The following RANBP17 variants were observed in gnomAD, a reference collection of about 807,000 sequenced individuals.
RANBP17 encodes ran-binding protein 17.
A neutral mutation model predicts 141.2 loss-of-function variants in RANBP17; 158 were observed. That is an observed-to-expected ratio of 1.12 (90% CI 0.98 to 1.28). RANBP17 has a LOEUF of 1.28. Ranked by LOEUF, RANBP17 falls within the 50% of genes most tolerant of loss-of-function variation. RANBP17 has a pLI of 0.00. For synonymous variants in RANBP17, 430 were observed against 450.0 expected (o/e 0.96, Z 0.56); for missense variants, 1,438 against 1,290.7 (o/e 1.11, Z -1.75).
intron 18 of RANBP17, among the ~76,000 whole-genome samples, chr5:171,184,559 A>G (rs895674111): frequency 2.0e-5 from 3 of 152,208 alleles, no homozygotes; most frequent in Admixed American, 6.5e-5. Flanking sequence ...GATGGTGACT[A>G]TAGTTAATAA....
At chr5:170,907,896 G>C (rs1209433707) in intron 5 of RANBP17, among the ~76,000 whole-genome samples, 1 of 151,692 alleles carries the variant, frequency 6.6e-6, no homozygotes, top group East Asian at 1.9e-4. Context: ...CTCAAAAGAA[G>C]GCAAGTGGCC....
chr5:171,094,300 G>A (rs923375063), intron 14 of RANBP17, among the ~76,000 whole-genome samples: 2 of 152,126 alleles, frequency 1.3e-5, no homozygotes, highest in African/African-American at 4.8e-5. Flanking sequence ...CCTTAGGCAA[G>A]TCACTAGATG....
At chr5:171,027,887 G>A (rs1446596694) in intron 14 of RANBP17, among the ~76,000 whole-genome samples, 1 of 151,946 alleles carries the variant, frequency 6.6e-6, no homozygotes, top group Non-Finnish European at 1.5e-5. Flanking sequence ...AATTTTTAGA[G>A]TAGCTATTGA....
chr5:171,156,163 A>G (rs1260682590), intron 14 of RANBP17, among the ~76,000 whole-genome samples: 1 of 152,082 alleles, frequency 6.6e-6, no homozygotes, highest in Non-Finnish European at 1.5e-5. Context: ...TAGTTTCTAT[A>G]TCTTTCTACA....
intron 14 of RANBP17, among the ~76,000 whole-genome samples, chr5:171,050,021 G>C (rs1331296181): frequency 6.6e-6 from 1 of 152,110 alleles, no homozygotes; most frequent in Admixed American, 6.5e-5. Flanking sequence ...ATTGGTAGTT[G>C]ATAGGAATAG....
intron 14 of RANBP17, among the ~76,000 whole-genome samples, chr5:171,156,124 G>A (rs78977222): frequency 0.053 from 7,987 of 152,040 alleles, 257 homozygotes; most frequent in East Asian, 0.12. Context: ...GATTATAAGC[G>A]GATGTTCCTT....
intron 13 of RANBP17, among the ~76,000 whole-genome samples, chr5:170,965,245 G>GTTT (rs202116295): frequency 3.4e-5 from 5 of 147,546 alleles, no homozygotes; most frequent in African/African-American, 9.9e-5. Context: ...TGATGGGGTT[G>GTTT]TTTTTTTTTT....
At chr5:171,277,549 T>A (rs1767571227) in intron 25 of RANBP17, among the ~76,000 whole-genome samples, 2 of 144,312 alleles carry the variant, frequency 1.4e-5, no homozygotes, top group Admixed American at 7.1e-5. Context: ...AGAATTTTAA[T>A]AAGAATGATT....
intron 14 of RANBP17, among the ~76,000 whole-genome samples, chr5:171,147,813 G>A (rs1331641882): frequency 6.6e-6 from 1 of 152,218 alleles, no homozygotes; most frequent in Non-Finnish European, 1.5e-5. Context: ...CGGGACGTGA[G>A]GGGTGCCTCT....
rs72051535 is a variant in RANBP17, at chr5:171,130,431, C to CTTTTTTTTTTT, written c.1711-39687_1711-39677dup. 2.1e-4 allele frequency among the ~76,000 whole-genome samples: 19 copies of CTTTTTTTTTTT among 90,016 alleles called. 1 individual carries two copies. The highest frequency in any genetic ancestry group is 4.0e-4 in the African/African-American group (9 of 22,768). The allele number at this position is 90,016 out of a possible 152,430, so 59.1% of individuals were successfully genotyped here. Reference sequence around the variant, plus strand: ...GCTCAATCAGAATACTTTAAAAAGACTTTTTTTTTTTTTTTTTTTTTTGAG... The same window carrying CTTTTTTTTTTT: ...GCTCAATCAGAATACTTTAAAAAGACTTTTTTTTTTTTTTTTTTTTTTTTTTTTTTTTTGAG... On this transcript the variant is annotated intron_variant, in intron 14 of 27. Coordinates refer to ENST00000523189, the MANE Select transcript of RANBP17 (RefSeq NM_022897.5).
intron 14 of RANBP17, among the ~76,000 whole-genome samples, chr5:171,151,751 C>T (rs1416456785): frequency 6.6e-6 from 1 of 152,106 alleles, no homozygotes; most frequent in Non-Finnish European, 1.5e-5. Context: ...AAGTTCCTAG[C>T]CTTTCTCGAA....
chr5:170,904,950 G>A (rs1383747728), intron 5 of RANBP17, among the ~76,000 whole-genome samples: 2 of 152,018 alleles, frequency 1.3e-5, no homozygotes, highest in Admixed American at 6.6e-5. Context: ...AGGAGGTTTT[G>A]TTTCTTCTTT....
intron 5 of RANBP17, among the ~76,000 whole-genome samples, chr5:170,901,773 C>T (rs1770653914): frequency 6.6e-6 from 1 of 152,186 alleles, no homozygotes; most frequent in Non-Finnish European, 1.5e-5. Flanking sequence ...TTCTCCTTCA[C>T]TTACAAAGCT....
Position 171,242,748 on chromosome 5 carries a change from T to C in RANBP17, c.2704T>C (p.Phe902Leu), listed in dbSNP as rs1764967776. Reference protein sequence around the residue: ...LECLTQDHMSFIINLEPPVLM... With the variant: ...LECLTQDHMSLIINLEPPVLM... The stretch of plus-strand genomic sequence containing the variant: ...ATGTCTCACTCAGGACCATATGAGC[T>C]TCATCATCAACTTAGAGCCTCCTGT... The change falls in exon 24 of 28, where the codon TTC (phenylalanine) becomes CTC (leucine). Residue 902 changes from phenylalanine (F) to leucine (L), a missense_variant. Physicochemically the swap from Phe to Leu is conservative, Grantham distance 22. Transcript: ENST00000523189. 1 of 1,613,776 alleles carries C rather than the reference T, an allele frequency of 6.2e-7. No homozygotes were observed. Among genetic ancestry groups the C allele is most frequent in the Non-Finnish European group, 8.5e-7 (1 of 1,179,714 alleles).
At chr5:170,957,998 A>C (rs1018151812) in intron 13 of RANBP17, among the ~76,000 whole-genome samples, 12 of 152,236 alleles carry the variant, frequency 7.9e-5, no homozygotes, top group Admixed American at 7.8e-4. Context: ...TGACTACAGA[A>C]TATAACTACC....
chr5:171,275,729 C>G (rs1039237382), intron 25 of RANBP17, among the ~76,000 whole-genome samples: 2 of 152,128 alleles, frequency 1.3e-5, no homozygotes, highest in African/African-American at 4.8e-5. Context: ...TATAATGGCA[C>G]AGTTTGACAT....
intron 7 of RANBP17, among the ~76,000 whole-genome samples, chr5:170,913,871 G>C (rs1413609364): frequency 1.3e-5 from 2 of 151,832 alleles, no homozygotes; most frequent in Non-Finnish European, 2.9e-5. Flanking sequence ...GATACTGTTT[G>C]AATTCTCAAT....
At chr5:171,174,874 G>A (rs866134581) in intron 16 of RANBP17, among the ~76,000 whole-genome samples, 9 of 151,136 alleles carry the variant, frequency 6.0e-5, no homozygotes, top group African/African-American at 9.7e-5. Flanking sequence ...ATAGGTACAC[G>A]CGTGCCATGG....
chr5:170,988,508 GT>G lies in RANBP17; in HGVS notation c.1710+20135del, dbSNP rs1415055491. ...AAAGAAGACTTTCAATTTGAAAGAG[GT>G]TTTAGTTACTAAATTTTACGACTTG... On this transcript the variant is annotated intron_variant, in intron 14 of 27. Transcript: ENST00000523189. Among the ~76,000 whole-genome samples, 15 of 151,660 alleles carry G rather than the reference GT, an allele frequency of 9.9e-5. 1 individual carries two copies. The highest frequency in any genetic ancestry group is 6.8e-3 in the Middle Eastern group (2 of 294).
Sources: allele counts gnomAD v4.1 joint callset (sites outside exome capture counted in the v4.1 genomes callset), GRCh38; gene constraint gnomAD v4.1.1; transcripts MANE v1.5; gene names NCBI Gene and HGNC (gene_info 2026-07-23, HGNC 2026-07-21).